Variants in MAST3 observed in about 807,000 individuals in gnomAD.
MAST3 encodes microtubule associated serine/threonine kinase 3.
In MAST3, 43 loss-of-function variants were observed where a neutral mutation model predicts 127.0. That is an observed-to-expected ratio of 0.34 (90% CI 0.27 to 0.44). The LOEUF is 0.44. Ranked by LOEUF, MAST3 falls within the 20% of genes least tolerant of loss-of-function variation. The probability of loss-of-function intolerance (pLI) is 1.00; values close to 1 mark genes in which losing one functional copy is unlikely to be tolerated. For synonymous variants in MAST3, 785 were observed against 809.2 expected (o/e 0.97, Z 0.51); for missense variants, 1,390 against 1,919.1 (o/e 0.72, Z 5.15).
chr19:18,120,758 C>T (rs1228787096), intron 3 of MAST3, among the ~76,000 whole-genome samples: 1 of 152,074 alleles, frequency 6.6e-6, no homozygotes, highest in Non-Finnish European at 1.5e-5. Context: ...CGGAGTTTCA[C>T]TCTTGTTGCC....
chr19:18,128,787 A>T, intron 12 of MAST3, 79 bp from the exon 13 acceptor site: 1 of 1,116,860 alleles, frequency 9.0e-7, no homozygotes, highest in South Asian at 1.2e-5. Flanking sequence ...CACCAGGACC[A>T]GTGGTTTGGG....
At chr19:18,129,896 G>A (rs1185415115) in intron 13 of MAST3, among the ~76,000 whole-genome samples, 1 of 143,870 alleles carries the variant, frequency 7.0e-6, no homozygotes, top group Non-Finnish European at 1.5e-5. Context: ...CTGCACTCCA[G>A]CCTGGGTGAC....
At position 18,144,716 on chromosome 19, in the gene MAST3, C is replaced by A. The variant is rs746665418; in HGVS notation, c.2812+23C>A. The A allele has an allele frequency of 3.9e-5, 62 of 1,601,674 alleles. 1 individual carries two copies. The highest frequency in any genetic ancestry group is 1.4e-5 in the Non-Finnish European group (16 of 1,178,642). On this transcript the variant is annotated intron_variant, in intron 23 of 27. Coordinates refer to ENST00000687212, the MANE Select transcript of MAST3 (RefSeq NM_001393504.1). This position sits in a 1 kb window ranked among gnomAD's most constrained non-coding sequence, Gnocchi z 4.0. ...CAGGTAATGCCCAAGGCCCCTCTCA[C>A]CTTTGTCTGTCTGCACCCATTTTCA...
At chr19:18,123,794 TGTC>T in intron 8 of MAST3, 139 bp downstream of exon 8, 2 of 1,069,110 alleles carry the variant, frequency 1.9e-6, no homozygotes, top group Non-Finnish European at 2.7e-6. Context: ...CGTTGAAAGA[TGTC>T]GTTCCTCCTG....
chr19:18,145,898 C>T lies in MAST3; in HGVS notation c.3162+33C>T. The T allele has an allele frequency of 1.9e-6, 3 of 1,543,610 alleles. No homozygotes were observed. The highest frequency in any genetic ancestry group is 1.7e-6 in the Non-Finnish European group (2 of 1,152,908). On this transcript the variant is annotated intron_variant, in intron 25 of 27. Transcript: ENST00000687212. This position sits in a 1 kb window ranked among gnomAD's most constrained non-coding sequence, Gnocchi z 5.9. ...ACCCCCACTGCCCACCCTCAGGGCT[C>T]CCCAGCACCCCTTGGCCGCAGCTCC...
In MAST3 at chr19:18,143,808, G is replaced by C. The variant is rs143387485; in HGVS notation, c.2385G>C (p.Ser795=). 1 of 1,613,748 alleles carries C rather than the reference G, an allele frequency of 6.2e-7. No homozygotes were observed. Residue 795 remains serine (S), a synonymous_variant, in exon 22 of 28, where the codon TCG becomes TCC. Transcript: ENST00000687212. The part of the protein sequence containing the change: ...TSSGSSCQSS[S]SQPERGPSPS... ...CTGGATCCTCCTGTCAGTCATCTTCGTCCCAGCCCGAGCGGGGTCCCAGCC... is the reference window on the plus strand; with the variant it reads ...CTGGATCCTCCTGTCAGTCATCTTCCTCCCAGCCCGAGCGGGGTCCCAGCC...
intron 2 of MAST3, among the ~76,000 whole-genome samples, chr19:18,108,638 G>C (rs2038256469): frequency 6.6e-6 from 1 of 152,134 alleles, no homozygotes; most frequent in South Asian, 2.1e-4. Context: ...AAAGTGCTGG[G>C]ATTACAGGCA....
At chr19:18,140,850 A>G (rs11882416) in intron 20 of MAST3, among the ~76,000 whole-genome samples, 327 of 152,092 alleles carry the variant, frequency 2.2e-3, no homozygotes, top group African/African-American at 6.1e-3. Flanking sequence ...CTGGAGTGCA[A>G]TAGTGCAATC....
intron 1 of MAST3, among the ~76,000 whole-genome samples, chr19:18,098,073 G>A (rs2037149166): frequency 6.6e-6 from 1 of 152,152 alleles, no homozygotes; most frequent in Admixed American, 6.5e-5. Flanking sequence ...TGGCGTGGGA[G>A]GAAGAGGCTG....
chr19:18,098,228 C>T (rs2037171158), intron 1 of MAST3, among the ~76,000 whole-genome samples: 1 of 152,070 alleles, frequency 6.6e-6, no homozygotes, highest in Admixed American at 6.5e-5. Context: ...CTCCTTGGGT[C>T]GTCGCTGCAC....
rs1172375691 is a variant in MAST3, at chr19:18,123,257, T to G, written c.440T>G (p.Phe147Cys). 6.2e-7 allele frequency: 1 copy of G among 1,613,874 alleles called. No individual in the cohort carries two copies. Among genetic ancestry groups the G allele is most frequent in the Non-Finnish European group, 8.5e-7 (1 of 1,179,892 alleles). Residue 147 changes from phenylalanine to cysteine, a missense_variant, in exon 7 of 28, where the codon TTC (phenylalanine) becomes TGC (cysteine). Around this residue, in one of 5 missense-constraint regions of MAST3, gnomAD observed 277 missense variants for 384.8 expected, o/e 0.72. Transcript: ENST00000687212. ...SSRERLHQLP[F>C]QPTPDELHFL... ...CGGGAACGTCTCCACCAGCTTCCCT[T>G]CCAGCCGACGCCGGACGAGCTGCAC...
chr19:18,123,551 A>G (rs1185525634), intron 7 of MAST3, 29 bp from the exon 8 acceptor site: 11 of 1,518,372 alleles, frequency 7.2e-6, no homozygotes, highest in Non-Finnish European at 9.7e-6. Context: ...CTCAGGTCCC[A>G]TATCACAAGC....
intron 5 of MAST3, 162 bp downstream of exon 5, chr19:18,122,084 G>A (rs750865578): frequency 1.0e-5 from 10 of 985,052 alleles, no homozygotes; most frequent in Admixed American, 6.2e-5. Context: ...TCCCATTCCC[G>A]GCAAATGCAT....
In MAST3 at chr19:18,130,494, G is replaced by T; in HGVS notation, c.1224G>T (p.Gly408=). 1 of 1,593,070 alleles carries T rather than the reference G, an allele frequency of 6.3e-7. No homozygotes were observed. Among genetic ancestry groups the T allele is most frequent in the Admixed American group, 1.8e-5 (1 of 56,042 alleles). ...TIKLISNGAY[G]AVYLVRHRDT... ...AGCAAGCCTGGCCCTCTGTCCCCAG[G>T]GCCGTCTACCTGGTGCGGCACCGTG... is the stretch of plus-strand genomic sequence containing the variant. Residue 408 remains glycine, a splice_region_variant and synonymous_variant, in exon 14 of 28, where the codon GGG becomes GGT. Coordinates refer to ENST00000687212, the MANE Select transcript of MAST3 (RefSeq NM_001393504.1).
Position 18,145,949 on chromosome 19 carries a change from A to G in MAST3, c.3162+84A>G. ...CGGTTCCCCGTGGTTCTCCGCGTCC[A>G]GACACACAACCCCACATTCAATGTC... On this transcript the variant is annotated intron_variant, in intron 25 of 27. Transcript: ENST00000687212. This position sits in a 1 kb window ranked among gnomAD's most constrained non-coding sequence, Gnocchi z 5.9. 6.9e-7 allele frequency: 1 copy of G among 1,455,024 alleles called. No individual in the cohort carries two copies. Among genetic ancestry groups the G allele is most frequent in the Non-Finnish European group, 9.1e-7 (1 of 1,102,494 alleles). The allele number at this position is 1,455,024 out of a possible 1,614,324, so 90.1% of individuals were successfully genotyped here.
chr19:18,122,182 A>C (rs2040070882), intron 5 of MAST3: 2 of 942,564 alleles, frequency 2.1e-6, no homozygotes, highest in Non-Finnish European at 2.5e-6. Flanking sequence ...AGCCCTAAGA[A>C]TCATTAACTC....
chr19:18,124,876 C>T (rs1423875031), intron 11 of MAST3, 102 bp downstream of exon 11: 29 of 1,397,252 alleles, frequency 2.1e-5, no homozygotes, highest in African/African-American at 7.2e-5. Context: ...GAAGCTAAGG[C>T]GGGCAGATCA....
At chr19:18,136,503 C>G (rs2041902610) in intron 18 of MAST3, among the ~76,000 whole-genome samples, 1 of 152,206 alleles carries the variant, frequency 6.6e-6, no homozygotes, top group Non-Finnish European at 1.5e-5. Flanking sequence ...GCAACCTCCG[C>G]CTCCCAGGCT....
At chr19:18,105,743 C>G (rs924308093) in intron 1 of MAST3, among the ~76,000 whole-genome samples, 1 of 151,990 alleles carries the variant, frequency 6.6e-6, no homozygotes, top group Non-Finnish European at 1.5e-5. Context: ...ACTGTGAGGT[C>G]ACAGTGGAAC....
Sources: allele counts gnomAD v4.1 joint callset (sites outside exome capture counted in the v4.1 genomes callset), GRCh38; gene constraint gnomAD v4.1.1; regional missense constraint gnomAD v4.1.1; non-coding constraint Gnocchi (gnomAD v3.1); transcripts MANE v1.5; gene names NCBI Gene and HGNC (gene_info 2026-07-23, HGNC 2026-07-21).